The following LARP1B variants were observed in gnomAD, a reference collection of about 807,000 sequenced individuals.
LARP1B encodes La ribonucleoprotein 1B.
A neutral mutation model predicts 114.2 loss-of-function variants in LARP1B; 76 were observed. The observed-to-expected ratio is 0.67, with a 90% CI of 0.55 to 0.81. The LOEUF (loss-of-function observed/expected upper bound fraction) is 0.81. LARP1B is among the 30% of genes least tolerant of loss of function. LARP1B has a pLI of 0.00. For missense variants in LARP1B, 1,014 were observed against 1,075.8 expected, an observed-to-expected ratio of 0.94 and a Z score of 0.80; for synonymous variants, 345 against 348.0, an observed-to-expected ratio of 0.99 and a Z score of 0.10.
rs754431091 is a variant in LARP1B at position 128,091,097 on chromosome 4, G to A, written c.455G>A (p.Gly152Glu). The A allele has an allele frequency of 1.9e-6, 3 of 1,613,932 alleles. No individual in the cohort carries two copies. The highest frequency in any genetic ancestry group is 1.7e-5 in the Admixed American group (1 of 60,004). The change falls in exon 6 of 20, where the codon GGA becomes GAA. Residue 152 changes from glycine to glutamate, a missense_variant. Gly to Glu is a moderately conservative substitution (Grantham distance 98, BLOSUM62 -2). Coordinates refer to ENST00000326639, the MANE Select transcript of LARP1B (RefSeq NM_018078.4). ...GNIRGSFRGR[G>E]RGRGRGRGRG... ...ATCCGAGGTTCCTTTAGAGGTCGAGGAAGAGGCCGAGGACGGGGAAGAGGA... is the reference window on the plus strand; with the variant it reads ...ATCCGAGGTTCCTTTAGAGGTCGAGAAAGAGGCCGAGGACGGGGAAGAGGA...
At chr4:128,217,771 A>G (rs1481456113) in intron 6 of LARP1B, among the ~76,000 whole-genome samples, 9 of 126,652 alleles carry the variant, frequency 7.1e-5, no homozygotes, top group East Asian at 4.8e-4. Flanking sequence ...CCTATTCAAC[A>G]TAGTGTTGGA....
intron 11 of LARP1B, among the ~76,000 whole-genome samples, chr4:128,160,684 A>G (rs1738069720): frequency 6.6e-6 from 1 of 152,212 alleles, no homozygotes; most frequent in Non-Finnish European, 1.5e-5. Flanking sequence ...GGAGTTGCTA[A>G]TAGCAAGCTC....
chr4:128,206,602 T>C, intron 18 of LARP1B, 65 bp downstream of exon 18: 1 of 1,535,756 alleles, frequency 6.5e-7, no homozygotes, highest in Non-Finnish European at 8.8e-7. Context: ...TGTCAGTAAA[T>C]AGGGAAGGAG....
Position 128,129,147 on chromosome 4 carries a change from A to G in LARP1B, c.1524+6959A>G, listed in dbSNP as rs925984150. Among the ~76,000 whole-genome samples, 23 of 127,596 alleles carry G rather than the reference A, an allele frequency of 1.8e-4. 1 individual carries two copies. Among genetic ancestry groups the G allele is most frequent in the African/African-American group, 7.1e-4 (23 of 32,532 alleles). The allele number at this position is 127,596 out of a possible 152,430, so 83.7% of individuals were successfully genotyped here. ...GCCACTGCTCTCCATCCTGGGCGAC[A>G]GAGCGAGACTCTGTCTCAAAAAAAA... is the stretch of plus-strand genomic sequence containing the variant. On this transcript the variant is annotated intron_variant, in intron 11 of 19. Coordinates refer to ENST00000326639, the MANE Select transcript of LARP1B (RefSeq NM_018078.4).
intron 5 of LARP1B, among the ~76,000 whole-genome samples, chr4:128,086,314 T>C (rs898065646): frequency 2.0e-5 from 3 of 152,034 alleles, no homozygotes; most frequent in African/African-American, 7.2e-5. Flanking sequence ...CGCTTTGTCA[T>C]AGTATTCTTT....
intron 10 of LARP1B, among the ~76,000 whole-genome samples, chr4:128,114,987 G>T (rs1380383083): frequency 6.6e-6 from 1 of 151,904 alleles, no homozygotes; most frequent in African/African-American, 2.4e-5. Flanking sequence ...GCCCAGGCTG[G>T]AGTGCAGTGG....
intron 6 of LARP1B, chr4:128,220,269 C>G: frequency 2.8e-6 from 1 of 353,124 alleles, no homozygotes; most frequent in Non-Finnish European, 4.0e-6. Flanking sequence ...AGTAGTGTCA[C>G]CACTTTCCTT....
chr4:128,156,255 C>G lies in LARP1B; in HGVS notation c.1525-5939C>G, dbSNP rs1581105425. On this transcript the variant is annotated intron_variant, in intron 11 of 19. Transcript: ENST00000326639. ...GTGCCACCCTAAGCAACGTCTGCTCCCCTTCCCCCACCAGTCCAGCTGGCC... is the reference window on the plus strand; with the variant it reads ...GTGCCACCCTAAGCAACGTCTGCTCGCCTTCCCCCACCAGTCCAGCTGGCC... 9 of 1,202,448 alleles carry G rather than the reference C, an allele frequency of 7.5e-6. No individual in the cohort carries two copies. In the East Asian group the frequency reaches 2.1e-4, roughly 28 times the overall value. 74.5% of individuals were successfully genotyped at this position (1,202,448 alleles called of 1,614,324 possible).
chr4:128,071,578 C>T (rs1048091111), intron 1 of LARP1B, among the ~76,000 whole-genome samples: 1 of 150,884 alleles, frequency 6.6e-6, no homozygotes, highest in Admixed American at 6.6e-5. Context: ...TCTACCACCA[C>T]GCCCAGTTAG....
At chr4:128,170,867 CTTTTCTTTTTT>C (rs1473504459) in intron 12 of LARP1B, among the ~76,000 whole-genome samples, 2 of 99,946 alleles carry the variant, frequency 2.0e-5, no homozygotes, top group Admixed American at 9.8e-5. Context: ...TTTTCTTTTT[CTTTTCTTTTTT>C]TTTTTTTTTT....
At chr4:128,206,586 T>C in intron 18 of LARP1B, 49 bp downstream of exon 18, 1 of 1,560,176 alleles carries the variant, frequency 6.4e-7, no homozygotes, top group South Asian at 1.2e-5. Flanking sequence ...ATTGTAAACC[T>C]GAGTCTGTCA....
intron 9 of LARP1B, among the ~76,000 whole-genome samples, chr4:128,109,066 C>G (rs939781642): frequency 1.3e-5 from 2 of 152,048 alleles, no homozygotes; most frequent in Non-Finnish European, 2.9e-5. Context: ...ATGGAGGGTT[C>G]TTAGAATTAT....
intron 12 of LARP1B, among the ~76,000 whole-genome samples, chr4:128,167,171 T>C (rs1741484897): frequency 6.6e-6 from 1 of 151,834 alleles, no homozygotes; most frequent in Admixed American, 6.6e-5. Context: ...GCAATGGACA[T>C]GTGAGTGCAG....
intron 8 of LARP1B, among the ~76,000 whole-genome samples, chr4:128,106,117 T>G (rs1289638877): frequency 6.6e-6 from 1 of 151,528 alleles, no homozygotes; most frequent in Non-Finnish European, 1.5e-5. Flanking sequence ...TCCAGCTCCC[T>G]GGTTCAAGTG....
At chr4:128,177,969 C>G (rs1255671550) in intron 13 of LARP1B, among the ~76,000 whole-genome samples, 1 of 150,070 alleles carries the variant, frequency 6.7e-6, no homozygotes, top group East Asian at 2.0e-4. Flanking sequence ...ACACCACATA[C>G]TATTCAGCAA....
Position 128,162,124 on chromosome 4 carries a change from G to A in LARP1B, c.1525-70G>A, listed in dbSNP as rs1581164703. 6.4e-6 allele frequency: 9 copies of A among 1,414,060 alleles called. No individual in the cohort carries two copies. The East Asian group carries it at 2.1e-4, about 33-fold the overall frequency. The allele number at this position is 1,414,060 out of a possible 1,614,324, so 87.6% of individuals were successfully genotyped here. ...TTTAGAAGTTCATTTTTTTGAGGTTGGTATCAATTATTGTCTGTTGGTTAC... is the reference window on the plus strand; with the variant it reads ...TTTAGAAGTTCATTTTTTTGAGGTTAGTATCAATTATTGTCTGTTGGTTAC... On this transcript the variant is annotated intron_variant, in intron 11 of 19. Coordinates refer to ENST00000326639, the MANE Select transcript of LARP1B (RefSeq NM_018078.4).
At chr4:128,217,958 A>G in intron 6 of LARP1B, among the ~76,000 whole-genome samples, 1 of 117,178 alleles carries the variant, frequency 8.5e-6, no homozygotes, top group Non-Finnish European at 1.8e-5. Flanking sequence ...TCAGGATACA[A>G]AATCAATGTA....
chr4:128,195,429 C>G (rs1055522437), intron 15 of LARP1B, among the ~76,000 whole-genome samples: 9 of 152,102 alleles, frequency 5.9e-5, no homozygotes, highest in African/African-American at 2.2e-4. Flanking sequence ...TTCTGGCTCC[C>G]TGTGATAAGT....
chr4:128,183,224 A>C (rs1303378411), intron 15 of LARP1B, among the ~76,000 whole-genome samples: 1 of 152,216 alleles, frequency 6.6e-6, no homozygotes, highest in African/African-American at 2.4e-5. Flanking sequence ...ACAGCCTTCT[A>C]TTGGGAGAAG....
Sources: allele counts gnomAD v4.1 joint callset (sites outside exome capture counted in the v4.1 genomes callset), GRCh38; gene constraint gnomAD v4.1.1; transcripts MANE v1.5; gene names NCBI Gene and HGNC (gene_info 2026-07-23, HGNC 2026-07-21).